The following CTNND2 variants were observed in gnomAD, a reference collection of about 807,000 sequenced individuals.
CTNND2 encodes the protein catenin delta 2.
Under a neutral mutation model 144.4 loss-of-function variants are expected in CTNND2, and 22 were observed. The ratio of observed to expected loss-of-function variants is 0.15; its 90% CI spans 0.11 to 0.22. The LOEUF is 0.22. Ranked by LOEUF, CTNND2 falls within the 10% of genes least tolerant of loss-of-function variation. CTNND2 has a pLI of 1.00. For synonymous variants in CTNND2, 751 were observed against 695.6 expected (o/e 1.08, Z -1.25); for missense variants, 1,353 against 1,618.8 (o/e 0.84, Z 2.82).
chr5:11,295,086 C>T (rs1290929518), intron 9 of CTNND2, among the ~76,000 whole-genome samples: 1 of 152,158 alleles, frequency 6.6e-6, no homozygotes, highest in Non-Finnish European at 1.5e-5. Flanking sequence ...GAAAACCCCA[C>T]TGTCTCCGCC....
intron 18 of CTNND2, among the ~76,000 whole-genome samples, chr5:11,012,095 T>C (rs1293650203): frequency 6.6e-6 from 1 of 152,150 alleles, no homozygotes; most frequent in Non-Finnish European, 1.5e-5. Context: ...AAAAGGGTTG[T>C]TGAATTAATG....
Position 10,973,538 on chromosome 5 carries a change from A to G in CTNND2, c.3593T>C (p.Val1198Ala). The G allele has an allele frequency of 6.2e-7, 1 of 1,614,102 alleles. No individual in the cohort carries two copies. Among genetic ancestry groups the G allele is most frequent in the Non-Finnish European group, 8.5e-7 (1 of 1,179,986 alleles). Residue 1198 changes from valine (V) to alanine (A), a missense_variant, in exon 22 of 22, where the codon GTT (valine) becomes GCT (alanine). This residue lies in a region of CTNND2 where 459 missense variants were observed against 674.3 expected (regional missense o/e 0.68). Transcript: ENST00000304623. This position sits in a 1 kb window ranked among gnomAD's most constrained non-coding sequence, Gnocchi z 5.6. ...HLGLKSTGNY[V>A]DFYSAARPYS... Reference sequence around the variant, plus strand: ...GGGACGGGCAGCTGAGTAGAAGTCAACGTAGTTGCCGGTGGACTTGAGACC... The same window carrying G: ...GGGACGGGCAGCTGAGTAGAAGTCAGCGTAGTTGCCGGTGGACTTGAGACC...
chr5:11,384,962 C>A lies in CTNND2; in HGVS notation c.880G>T (p.Ala294Ser). Residue 294 changes from alanine (A) to serine (S), a missense_variant, in exon 7 of 22, where the codon GCG becomes TCG. Ala to Ser is a moderately conservative substitution (Grantham distance 99, BLOSUM62 1). Coordinates refer to ENST00000304623, the MANE Select transcript of CTNND2 (RefSeq NM_001332.4). The surrounding 1 kb of genome is among the most constrained non-coding windows in gnomAD (Gnocchi z 5.2). ...TGCTTGGGCGAGGAGCCGCGCGGCG[C>A]GGCGTAGGTGGCGCCCTCGGGGGCC... Reference protein sequence around the residue: ...GSAPEGATYAAPRGSSPKQSP... With the variant: ...GSAPEGATYASPRGSSPKQSP... The A allele has an allele frequency of 6.4e-7, 1 of 1,561,056 alleles. No homozygotes were observed. Among genetic ancestry groups the A allele is most frequent in the Non-Finnish European group, 8.6e-7 (1 of 1,157,848 alleles).
At chr5:11,259,192 G>A (rs1744594247) in intron 9 of CTNND2, among the ~76,000 whole-genome samples, 1 of 152,182 alleles carries the variant, frequency 6.6e-6, no homozygotes, top group Non-Finnish European at 1.5e-5. Context: ...CTGATGGTCT[G>A]CCCTGCAGAT....
At chr5:11,002,622 A>G (rs1297416984) in intron 18 of CTNND2, among the ~76,000 whole-genome samples, 1 of 152,192 alleles carries the variant, frequency 6.6e-6, no homozygotes, top group Non-Finnish European at 1.5e-5. Flanking sequence ...ATCCTCATTA[A>G]GGTGTTTCAA....
In CTNND2 at chr5:11,901,874, G is replaced by A. The variant is rs575600185; in HGVS notation, c.37+1943C>T. Among the ~76,000 whole-genome samples the A allele has an allele frequency of 1.1e-4, 16 of 152,058 alleles. No individual in the cohort carries two copies. The East Asian group carries it at 2.1e-3, about 20-fold the overall frequency. Reference sequence around the variant, plus strand: ...AAGAATGAAACACTAGGCTCAAAAGGAAAAAAGAAAAGGAAACGAGACATG... The same window carrying A: ...AAGAATGAAACACTAGGCTCAAAAGAAAAAAAGAAAAGGAAACGAGACATG... On this transcript the variant is annotated intron_variant, in intron 1 of 21. Transcript: ENST00000304623.
chr5:11,553,911 A>G (rs1775993863), intron 3 of CTNND2, among the ~76,000 whole-genome samples: 1 of 152,098 alleles, frequency 6.6e-6, no homozygotes, highest in African/African-American at 2.4e-5. Context: ...GTAAGATGAC[A>G]TTTAGGAAAG....
intron 16 of CTNND2, among the ~76,000 whole-genome samples, chr5:11,045,004 A>G (rs1036415972): frequency 6.6e-6 from 1 of 152,218 alleles, no homozygotes; most frequent in African/African-American, 2.4e-5. Flanking sequence ...ACAGGGTGAC[A>G]TAAAAAATCA....
In CTNND2 at chr5:10,988,788, A is replaced by AAAAT. The variant is rs1161692517; in HGVS notation, c.3212-550_3212-547dup. 1.1e-4 allele frequency among the ~76,000 whole-genome samples: 17 copies of AAAAT among 152,306 alleles called. No individual in the cohort carries two copies. Among genetic ancestry groups the AAAAT allele is most frequent in the African/African-American group, 3.8e-4 (16 of 41,578 alleles). Reference sequence around the variant, plus strand: ...TCTACACAGGATGATTTGTGGGGCAAAAATAACCAAGCCCACAAAGACCTT... The same window carrying AAAAT: ...TCTACACAGGATGATTTGTGGGGCAAAAATAAATAACCAAGCCCACAAAGACCTT... On this transcript the variant is annotated intron_variant, in intron 19 of 21. Coordinates refer to ENST00000304623, the MANE Select transcript of CTNND2 (RefSeq NM_001332.4). This position sits in a 1 kb window ranked among gnomAD's most constrained non-coding sequence, Gnocchi z 5.9.
At chr5:11,671,599 G>A (rs1337825267) in intron 2 of CTNND2, among the ~76,000 whole-genome samples, 2 of 151,620 alleles carry the variant, frequency 1.3e-5, no homozygotes, top group Admixed American at 6.6e-5. Flanking sequence ...GCTTCATGAA[G>A]TTCTCATGCT....
chr5:11,565,596 G>A (rs989842786), intron 2 of CTNND2, among the ~76,000 whole-genome samples: 1 of 152,178 alleles, frequency 6.6e-6, no homozygotes, highest in African/African-American at 2.4e-5. Flanking sequence ...CATTCCAGCA[G>A]AATGACAATG....
At chr5:11,863,639 G>A (rs2127031165) in intron 1 of CTNND2, among the ~76,000 whole-genome samples, 1 of 152,266 alleles carries the variant, frequency 6.6e-6, no homozygotes, top group East Asian at 1.9e-4. Context: ...CTTAACAATT[G>A]CTTGGCAAAC....
intron 2 of CTNND2, among the ~76,000 whole-genome samples, chr5:11,566,337 T>C (rs1289149702): frequency 2.0e-5 from 3 of 152,248 alleles, no homozygotes; most frequent in Non-Finnish European, 2.9e-5. Context: ...CAAAGTATTA[T>C]AGTTAAGAAA....
chr5:11,818,781 C>T (rs1793155255), intron 1 of CTNND2, among the ~76,000 whole-genome samples: 1 of 152,100 alleles, frequency 6.6e-6, no homozygotes, highest in Admixed American at 6.6e-5. Flanking sequence ...CAGCATATGT[C>T]ACACATCCAC....
rs1738829535 is a variant in CTNND2, at chr5:10,992,658, T to C, written c.3104A>G (p.His1035Arg). The change falls in exon 19 of 22, where the codon CAC (histidine) becomes CGC (arginine). Residue 1035 changes from histidine (H) to arginine (R), a missense_variant. This residue lies in a region of CTNND2 where 459 missense variants were observed against 674.3 expected (regional missense o/e 0.68). Transcript: ENST00000304623. ...LYKKDGWSQY[H>R]FVASSSTIER... ...GATGGTTGAAGACGAGGCTACAAAG[T>C]GGTATTGTGACCATCCATCCTGCAA... The C allele has an allele frequency of 6.2e-7, 1 of 1,613,844 alleles. No individual in the cohort carries two copies. Among genetic ancestry groups the C allele is most frequent in the African/African-American group, 1.3e-5 (1 of 74,870 alleles).
intron 16 of CTNND2, among the ~76,000 whole-genome samples, chr5:11,054,198 C>T (rs942872403): frequency 6.6e-6 from 1 of 152,124 alleles, no homozygotes; most frequent in African/African-American, 2.4e-5. Flanking sequence ...AGCACGAGGA[C>T]AATGATGGCA....
chr5:11,260,133 G>T (rs1744710508), intron 9 of CTNND2, among the ~76,000 whole-genome samples: 1 of 152,136 alleles, frequency 6.6e-6, no homozygotes, highest in African/African-American at 2.4e-5. Flanking sequence ...GCTGTGAAGT[G>T]ATGGAGATAG....
At chr5:11,856,887 T>C (rs1189071281) in intron 1 of CTNND2, among the ~76,000 whole-genome samples, 2 of 152,204 alleles carry the variant, frequency 1.3e-5, no homozygotes, top group African/African-American at 4.8e-5. Flanking sequence ...GAAAGCAATA[T>C]GGGTGGTTTT....
At chr5:11,698,253 T>G (rs1785227673) in intron 2 of CTNND2, among the ~76,000 whole-genome samples, 1 of 152,050 alleles carries the variant, frequency 6.6e-6, no homozygotes, top group Non-Finnish European at 1.5e-5. Flanking sequence ...TGAAGATAAA[T>G]AATTGTATTT....
Sources: allele counts gnomAD v4.1 joint callset (sites outside exome capture counted in the v4.1 genomes callset), GRCh38; gene constraint gnomAD v4.1.1; regional missense constraint gnomAD v4.1.1; non-coding constraint Gnocchi (gnomAD v3.1); transcripts MANE v1.5; gene names NCBI Gene and HGNC (gene_info 2026-07-23, HGNC 2026-07-21).